The following LAMB4 variants were observed in gnomAD, a reference collection of about 807,000 sequenced individuals.
The protein encoded by LAMB4 is laminin subunit beta-4.
A neutral mutation model predicts 199.2 loss-of-function variants in LAMB4; 196 were observed. That is an observed-to-expected ratio of 0.98 (90% CI 0.88 to 1.11). LAMB4 has a LOEUF of 1.11. Among genes scored for constraint, LAMB4 ranks in the 50% least tolerant of loss-of-function variants. The pLI is 0.00. For synonymous variants in LAMB4, 744 were observed against 770.6 expected (o/e 0.97, Z 0.57); for missense variants, 2,080 against 2,171.2 (o/e 0.96, Z 0.83).
At chr7:108,038,070 C>T (rs1282930034) in intron 29 of LAMB4, among the ~76,000 whole-genome samples, 1 of 152,138 alleles carries the variant, frequency 6.6e-6, no homozygotes, top group African/African-American at 2.4e-5. Flanking sequence ...AATTGGGTAA[C>T]TATACCTGAT....
intron 10 of LAMB4, among the ~76,000 whole-genome samples, chr7:108,102,697 T>C (rs73424791): frequency 0.037 from 5,708 of 152,292 alleles, 346 homozygotes; most frequent in African/African-American, 0.13. Flanking sequence ...TGTTAGCTTA[T>C]GCATCTTAAC....
In LAMB4 at chr7:108,025,420, C is replaced by CT. The variant is rs1563024809; in HGVS notation, c.5147-1243dup. ...TTCTTTCTTTCTTTCTTTCTTTCTTCTTTCTTTCTTTCTTTTTTTTTTTTT... is the reference window on the plus strand; with the variant it reads ...TTCTTTCTTTCTTTCTTTCTTTCTTCTTTTCTTTCTTTCTTTTTTTTTTTTT... On this transcript the variant is annotated intron_variant, in intron 33 of 33. Transcript: ENST00000388781. Among the ~76,000 whole-genome samples, 92 of 99,164 alleles carry CT rather than the reference C, an allele frequency of 9.3e-4. 4 individuals are homozygous for CT. Among genetic ancestry groups the CT allele is most frequent in the African/African-American group, 6.8e-3 (75 of 11,032 alleles). 65.1% of individuals were successfully genotyped at this position (99,164 alleles called of 152,430 possible).
chr7:108,055,991 CCT>C lies in LAMB4; in HGVS notation c.3394_3395del (p.Arg1132GlyfsTer9), dbSNP rs2035973035. 1 of 1,611,314 alleles carries C rather than the reference CCT, an allele frequency of 6.2e-7. No individual in the cohort carries two copies. The highest frequency in any genetic ancestry group is 8.5e-7 in the Non-Finnish European group (1 of 1,178,484). On this transcript the variant is annotated frameshift_variant, in exon 25 of 34. Transcript: ENST00000388781. LOFTEE classifies it high-confidence loss of function. ...CACAGATGGGCTTCTGGGTACCTGC[CCT>C]GTTACAATCACATGCTAAAAAGGAA... ...PGRCIPCDCNRAGTQKPICDP... is the reference protein window; with the variant it reads ...PGRCIPCDCNXAGTQKPICDP...
intron 23 of LAMB4, among the ~76,000 whole-genome samples, chr7:108,060,168 T>C (rs1467610079): frequency 6.6e-6 from 1 of 152,232 alleles, no homozygotes; most frequent in African/African-American, 2.4e-5. Context: ...GGATCCCCTA[T>C]GCACCAAATA....
intron 14 of LAMB4, among the ~76,000 whole-genome samples, chr7:108,087,021 G>A (rs1014464984): frequency 1.3e-5 from 2 of 152,178 alleles, no homozygotes; most frequent in African/African-American, 4.8e-5. Flanking sequence ...TAGCCTAGAA[G>A]TCAGAGAAGG....
chr7:108,125,429 G>A lies in LAMB4; in HGVS notation c.-33-2232C>T, dbSNP rs547989878. ...CATTATGGGCATTTAATAAGAATGG[G>A]CATTATTAGCAAAGTTTGAAAGTAT... On this transcript the variant is annotated intron_variant, in intron 1 of 33. Coordinates refer to ENST00000388781, the MANE Select transcript of LAMB4 (RefSeq NM_007356.3). Among the ~76,000 whole-genome samples the A allele has an allele frequency of 1.2e-4, 19 of 152,280 alleles. No homozygotes were observed. In the South Asian group the frequency reaches 3.9e-3, roughly 32 times the overall value.
intron 24 of LAMB4, among the ~76,000 whole-genome samples, 169 bp downstream of exon 24, chr7:108,057,663 G>T (rs1256511955): frequency 6.6e-6 from 1 of 152,034 alleles, no homozygotes; most frequent in Non-Finnish European, 1.5e-5. Context: ...TTTTTGCAGG[G>T]CTATAGGAAG....
the LAMB4 span, among the ~76,000 whole-genome samples, chr7:108,013,539 G>T: frequency 6.6e-6 from 1 of 152,098 alleles, no homozygotes; most frequent in Non-Finnish European, 1.5e-5. Context: ...GCCCACTTTG[G>T]CTTTAGAGGC....
intron 3 of LAMB4, among the ~76,000 whole-genome samples, chr7:108,115,531 T>TGTGGG (rs1258715634): frequency 2.0e-5 from 3 of 151,952 alleles, no homozygotes; most frequent in Non-Finnish European, 4.4e-5. Flanking sequence ...ATTAGCCAGG[T>TGTGGG]GTGGTGGTGC....
intron 18 of LAMB4, among the ~76,000 whole-genome samples, chr7:108,068,599 C>T (rs1288057716): frequency 6.6e-6 from 1 of 152,180 alleles, no homozygotes; most frequent in African/African-American, 2.4e-5. Flanking sequence ...GCCTTGAATT[C>T]CTGGGCTTAA....
chr7:108,036,477 C>T (rs193224445), intron 30 of LAMB4, among the ~76,000 whole-genome samples: 3 of 152,266 alleles, frequency 2.0e-5, no homozygotes, highest in East Asian at 1.9e-4. Context: ...CGTGAGCCAC[C>T]GTGCCCGGCC....
At position 108,079,729 on chromosome 7, in the gene LAMB4, G is replaced by C. The variant is rs772402640; in HGVS notation, c.1759C>G (p.Pro587Ala). The C allele has an allele frequency of 2.5e-6, 4 of 1,610,366 alleles. No homozygotes were observed. The highest frequency in any genetic ancestry group is 3.4e-6 in the Non-Finnish European group (4 of 1,178,694). ...AVHVVLGEPV[P>A]GNPVTWTGPG... ...CCAGTCCATGTAACAGGGTTCCCAG[G>C]AACTGGCTCTCCTAAAACAACGTGA... The change falls in exon 15 of 34, where the codon CCT becomes GCT. Residue 587 changes from proline (P) to alanine (A), a missense_variant. By Grantham distance (27) the Pro-to-Ala change is conservative. Coordinates refer to ENST00000388781, the MANE Select transcript of LAMB4 (RefSeq NM_007356.3).
chr7:108,020,495 AG>A (rs1476970859), downstream of LAMB4, among the ~76,000 whole-genome samples: 3 of 151,560 alleles, frequency 2.0e-5, no homozygotes, highest in African/African-American at 7.3e-5. Flanking sequence ...AAAAAAGAAA[AG>A]AAAAAGTATG....
intron 10 of LAMB4, among the ~76,000 whole-genome samples, chr7:108,101,229 G>A (rs929039508): frequency 4.6e-5 from 7 of 152,256 alleles, no homozygotes; most frequent in Non-Finnish European, 7.4e-5. Flanking sequence ...TGTGCCAGCC[G>A]TTCAAGTCCC....
intron 1 of LAMB4, among the ~76,000 whole-genome samples, chr7:108,129,490 C>T (rs1448916699): frequency 6.6e-6 from 1 of 151,394 alleles, no homozygotes; most frequent in Non-Finnish European, 1.5e-5. Flanking sequence ...ACTGTTTTGC[C>T]TAAATTTCAT....
chr7:108,073,850 T>C (rs1232473534), intron 17 of LAMB4, among the ~76,000 whole-genome samples: 1 of 152,200 alleles, frequency 6.6e-6, no homozygotes, highest in African/African-American at 2.4e-5. Flanking sequence ...ACTCATCCTG[T>C]AGTGGGTGTG....
chr7:108,126,351 G>A (rs539399012), intron 1 of LAMB4, among the ~76,000 whole-genome samples: 5 of 152,058 alleles, frequency 3.3e-5, no homozygotes, highest in African/African-American at 1.2e-4. Flanking sequence ...TTGAAACTTT[G>A]TATCCATTAA....
intron 15 of LAMB4, among the ~76,000 whole-genome samples, chr7:108,079,019 G>C (rs111551362): frequency 0.017 from 2,642 of 152,282 alleles, 77 homozygotes; most frequent in African/African-American, 0.059. Flanking sequence ...TGTTTCAAAG[G>C]AGATGTTCAG....
rs945045610 is a variant in LAMB4 at position 108,130,330 on chromosome 7, A to G, written c.-58T>C. On this transcript the variant is annotated 5_prime_UTR_variant, in exon 1 of 34. Coordinates refer to ENST00000388781, the MANE Select transcript of LAMB4 (RefSeq NM_007356.3). ...CCAGGATCTGGGAGTCTTTGTGGAG[A>G]GGTTCAGGCAGCAAACGGGGCATGT... 1.3e-5 allele frequency: 2 copies of G among 152,258 alleles called. No homozygotes were observed. The highest frequency in any genetic ancestry group is 1.3e-4 in the Admixed American group (2 of 15,302). The allele number at this position is 152,258 out of a possible 1,614,324, so 9.4% of individuals were successfully genotyped here.
Sources: gnomAD v4.1 joint callset for allele counts (sites outside exome capture counted in the v4.1 genomes callset) on GRCh38, gnomAD v4.1.1 for gene constraint, MANE v1.5 for transcripts, NCBI Gene and HGNC (gene_info 2026-07-23, HGNC 2026-07-21) for gene names.